The following MYLK variants were observed in gnomAD, a reference collection of about 807,000 sequenced individuals.
MYLK encodes the protein myosin light chain kinase, smooth muscle.
In MYLK, 106 loss-of-function variants were observed where a neutral mutation model predicts 203.4. The observed-to-expected ratio is 0.52, with a 90% confidence interval of 0.45 to 0.61. The LOEUF is 0.61. Ranked by LOEUF, MYLK falls within the 20% of genes least tolerant of loss-of-function variation. MYLK has a pLI of 0.00. For missense variants in MYLK, 2,072 were observed against 2,442.3 expected, an observed-to-expected ratio of 0.85 and a Z score of 3.20; for synonymous variants, 867 against 959.5, an observed-to-expected ratio of 0.90 and a Z score of 1.78.
rs1219465383 is a variant in MYLK at position 123,613,640 on chromosome 3, T to G, written c.*465A>C. On this transcript the variant is annotated 3_prime_UTR_variant, in exon 34 of 34. Coordinates refer to ENST00000360304, the MANE Select transcript of MYLK (RefSeq NM_053025.4). ...GGCTCAACTGCTTTCAGAAATGAAT[T>G]GCTGGAGTACTGGGAGAAAACCCAG... 2 of 194,964 alleles carry G rather than the reference T, an allele frequency of 1.0e-5. No homozygotes were observed. Among genetic ancestry groups the G allele is most frequent in the African/African-American group, 4.8e-5 (2 of 41,876 alleles). 12.1% of individuals were successfully genotyped at this position (194,964 alleles called of 1,614,324 possible). A position where few individuals can be genotyped will look rare whatever the true frequency, so the allele number is the denominator to read the frequency against.
At chr3:123,658,150 T>C (rs2059449095) in intron 23 of MYLK, among the ~76,000 whole-genome samples, 2 of 152,252 alleles carry the variant, frequency 1.3e-5, no homozygotes, top group Non-Finnish European at 2.9e-5. Flanking sequence ...TCTAACTTTA[T>C]ATACTTAAAA....
At chr3:123,656,502 T>C (rs2059392326) in intron 24 of MYLK, among the ~76,000 whole-genome samples, 1 of 152,224 alleles carries the variant, frequency 6.6e-6, no homozygotes, top group Non-Finnish European at 1.5e-5. Context: ...CCTTTGCTCA[T>C]GCTGTTTCCT....
At chr3:123,801,540 G>A (rs1373309326) in intron 3 of MYLK, among the ~76,000 whole-genome samples, 1 of 152,208 alleles carries the variant, frequency 6.6e-6, no homozygotes, top group Non-Finnish European at 1.5e-5. Context: ...AGGGAGCATA[G>A]TACCCAACAG....
rs377231739 is a variant in MYLK, at chr3:123,664,247, G to A, written c.3843C>T (p.Ser1281=). Residue 1281 remains serine, a synonymous_variant, in exon 23 of 34, where the codon AGC becomes AGT. Transcript: ENST00000360304. ...CGCTGTTCTCCACCTTCATGTGCTC[G>A]CTTTCCTGGATCTAGGGGCGGAGGA... ...WMKFRKQIQE[S]EHMKVENSEN... is the part of the protein sequence containing the mutation. 80 of 1,614,206 alleles carry A rather than the reference G, an allele frequency of 5.0e-5. No individual in the cohort carries two copies. The highest frequency in any genetic ancestry group is 2.8e-4 in the African/African-American group (21 of 75,066).
At chr3:123,753,832 A>G (rs990823481) in intron 4 of MYLK, among the ~76,000 whole-genome samples, 2 of 152,212 alleles carry the variant, frequency 1.3e-5, no homozygotes, top group African/African-American at 4.8e-5. Context: ...TGTTTGCATT[A>G]CAAAACAGTG....
chr3:123,739,135 A>G (rs2062778781), intron 6 of MYLK, 73 bp from the exon 7 acceptor site: 23 of 1,534,008 alleles, frequency 1.5e-5, no homozygotes, highest in Middle Eastern at 3.4e-4. Context: ...CACCTCACTC[A>G]AAGGCACTAA....
chr3:123,634,491 T>C (rs2058563748), intron 29 of MYLK, among the ~76,000 whole-genome samples: 1 of 152,166 alleles, frequency 6.6e-6, no homozygotes, highest in Non-Finnish European at 1.5e-5. Flanking sequence ...CTCTCCTCCC[T>C]CCTGGCATCT....
rs1315939848 is a variant in MYLK at position 123,737,307 on chromosome 3, C to T, written c.754+71G>A. On this transcript the variant is annotated intron_variant, in intron 8 of 33. Coordinates refer to ENST00000360304, the MANE Select transcript of MYLK (RefSeq NM_053025.4). ...TATACACACACAGGTGCGCAGTGAACAAGCAGCTCCTCTAGGAGGGTGCGG... is the reference window on the plus strand; with the variant it reads ...TATACACACACAGGTGCGCAGTGAATAAGCAGCTCCTCTAGGAGGGTGCGG... The T allele has an allele frequency of 2.5e-6, 4 of 1,603,336 alleles. No homozygotes were observed. The Admixed American group carries it at 5.0e-5, about 20-fold the overall frequency.
chr3:123,654,389 T>C (rs1299870398), intron 24 of MYLK, among the ~76,000 whole-genome samples: 1 of 152,198 alleles, frequency 6.6e-6, no homozygotes, highest in African/African-American at 2.4e-5. Context: ...AGATGACAGT[T>C]TCCATACTCA....
Position 123,770,247 on chromosome 3 carries a change from C to T in MYLK, c.166-17709G>A, listed in dbSNP as rs572441596. Among the ~76,000 whole-genome samples, 4 of 152,136 alleles carry T rather than the reference C, an allele frequency of 2.6e-5. No homozygotes were observed. The South Asian group carries it at 8.3e-4, about 32-fold the overall frequency. On this transcript the variant is annotated intron_variant, in intron 4 of 33. Coordinates refer to ENST00000360304, the MANE Select transcript of MYLK (RefSeq NM_053025.4). Reference sequence around the variant, plus strand: ...GCTGATGCAGGAGAATCACTTGAACCTCAGAGGCAGAGGTTGCAGTGAGCT... The same window carrying T: ...GCTGATGCAGGAGAATCACTTGAACTTCAGAGGCAGAGGTTGCAGTGAGCT...
chr3:123,762,873 G>C (rs914735618), intron 4 of MYLK, among the ~76,000 whole-genome samples: 3 of 152,190 alleles, frequency 2.0e-5, no homozygotes, highest in Non-Finnish European at 4.4e-5. Context: ...TTCTAGGGCT[G>C]TAAGAAATGA....
At chr3:123,854,608 A>T (rs2031181678) in intron 2 of MYLK, among the ~76,000 whole-genome samples, 1 of 152,036 alleles carries the variant, frequency 6.6e-6, no homozygotes, top group Admixed American at 6.6e-5. Context: ...CTCCAAAAGG[A>T]GGGGGAGGGG....
intron 3 of MYLK, among the ~76,000 whole-genome samples, chr3:123,805,771 G>T (rs1299497741): frequency 6.6e-6 from 1 of 152,230 alleles, no homozygotes; most frequent in East Asian, 1.9e-4. Flanking sequence ...GACCGTGGGT[G>T]ATTTACTTAA....
chr3:123,792,718 A>G (rs1039930683), intron 4 of MYLK, among the ~76,000 whole-genome samples: 1 of 152,174 alleles, frequency 6.6e-6, no homozygotes, highest in African/African-American at 2.4e-5. Flanking sequence ...GACAGAGGGA[A>G]CCAGAGTCAG....
At position 123,880,873 on chromosome 3, in the gene MYLK, G is replaced by T. The variant is rs143978528; in HGVS notation, c.-186+3333C>A. Among the ~76,000 whole-genome samples, 1,016 of 152,276 alleles carry T rather than the reference G, an allele frequency of 6.7e-3. 16 individuals carry two copies. Among genetic ancestry groups the T allele is most frequent in the African/African-American group, 0.024 (983 of 41,538 alleles). On this transcript the variant is annotated intron_variant, in intron 1 of 33. Coordinates refer to ENST00000360304, the MANE Select transcript of MYLK (RefSeq NM_053025.4). The stretch of plus-strand genomic sequence containing the variant: ...CTGGCTGTCAGTAAATTTCATGGGG[G>T]CTGCAGCCCTCACACACCAGGTGCA...
At chr3:123,761,999 C>T (rs1379095379) in intron 4 of MYLK, among the ~76,000 whole-genome samples, 1 of 152,038 alleles carries the variant, frequency 6.6e-6, no homozygotes, top group Non-Finnish European at 1.5e-5. Context: ...TGCACACCAG[C>T]GTGGGCAACA....
chr3:123,722,565 A>G (rs2062131536), intron 12 of MYLK, among the ~76,000 whole-genome samples: 1 of 152,180 alleles, frequency 6.6e-6, no homozygotes, highest in South Asian at 2.1e-4. Flanking sequence ...TGGAGGAATT[A>G]AAAATGCAGG....
chr3:123,752,583 ACT>A (rs775194409), intron 4 of MYLK, 45 bp from the exon 5 acceptor site: 1 of 1,548,508 alleles, frequency 6.5e-7, no homozygotes, highest in African/African-American at 1.4e-5. Context: ...TTTCATGAGT[ACT>A]CTCTCTGTGT....
chr3:123,870,015 G>A (rs2032652209), intron 2 of MYLK, among the ~76,000 whole-genome samples: 1 of 151,902 alleles, frequency 6.6e-6, no homozygotes, highest in Non-Finnish European at 1.5e-5. Context: ...AGCCAGAAGG[G>A]CATGGACCCT....
Sources: allele counts gnomAD v4.1 joint callset (sites outside exome capture counted in the v4.1 genomes callset), GRCh38; gene constraint gnomAD v4.1.1; transcripts MANE v1.5; gene names NCBI Gene and HGNC (gene_info 2026-07-23, HGNC 2026-07-21).